TEX36: variants seen among roughly 807,000 people sequenced by gnomAD.
TEX36 encodes the protein testis expressed 36.
A neutral mutation model predicts 13.6 loss-of-function variants in TEX36; 12 were observed. The observed-to-expected ratio is 0.88, with a 90% CI of 0.56 to 1.43. TEX36 has a LOEUF of 1.43. TEX36 is among the 40% of genes most tolerant of loss of function. TEX36 has a pLI of 0.00. For synonymous variants in TEX36, 93 were observed against 83.0 expected, an observed-to-expected ratio of 1.12 and a Z score of -0.65; for missense variants, 224 against 228.3, an observed-to-expected ratio of 0.98 and a Z score of 0.12.
At chr10:125,595,753 G>A (rs1846075089) in intron 3 of TEX36, among the ~76,000 whole-genome samples, 1 of 152,126 alleles carries the variant, frequency 6.6e-6, no homozygotes, top group Admixed American at 6.5e-5. Flanking sequence ...AGAGCATCCT[G>A]CCCTTACCAC....
chr10:125,650,715 G>A (rs1846838446), downstream of TEX36, among the ~76,000 whole-genome samples: 3 of 152,094 alleles, frequency 2.0e-5, no homozygotes, highest in Non-Finnish European at 4.4e-5. Flanking sequence ...TCCAGGAACT[G>A]GCTTTTTGAA....
At chr10:125,594,178 T>C (rs549724238) in intron 3 of TEX36, among the ~76,000 whole-genome samples, 219 of 152,332 alleles carry the variant, frequency 1.4e-3, no homozygotes, top group South Asian at 2.9e-3. Flanking sequence ...AGAACTTAAA[T>C]TTTAAACTTC....
chr10:125,676,500 T>C (rs1393843823), intron 1 of TEX36, among the ~76,000 whole-genome samples: 2 of 152,210 alleles, frequency 1.3e-5, no homozygotes, highest in Non-Finnish European at 2.9e-5. Flanking sequence ...TATCTATATG[T>C]CTTTACTGGC....
At chr10:125,579,264 A>G (rs1451408867) in intron 3 of TEX36, among the ~76,000 whole-genome samples, 1 of 152,216 alleles carries the variant, frequency 6.6e-6, no homozygotes, top group East Asian at 1.9e-4. Flanking sequence ...GCCTCAGGAA[A>G]CTTACAATCA....
chr10:125,587,183 C>A (rs1845964370), intron 3 of TEX36, among the ~76,000 whole-genome samples: 1 of 152,092 alleles, frequency 6.6e-6, no homozygotes, highest in Non-Finnish European at 1.5e-5. Context: ...TCAGGTATTT[C>A]TTTACAGCAG....
chr10:125,591,822 T>C (rs2133533346), intron 3 of TEX36, among the ~76,000 whole-genome samples: 1 of 152,294 alleles, frequency 6.6e-6, no homozygotes, highest in Admixed American at 6.5e-5. Flanking sequence ...CTTTTCTTTG[T>C]TGAAACTGAC....
chr10:125,594,650 C>T (rs1285209357), intron 3 of TEX36, among the ~76,000 whole-genome samples: 1 of 152,158 alleles, frequency 6.6e-6, no homozygotes, highest in Non-Finnish European at 1.5e-5. Flanking sequence ...ATTGTGCTGA[C>T]ATTTTTGAAA....
rs9422915 is a variant in TEX36, at chr10:125,661,917, C to G, written c.112G>C (p.Glu38Gln). The G allele has an allele frequency of 2.3e-3, 3,552 of 1,552,298 alleles. 51 individuals carry two copies. The African/African-American group carries it at 0.038, about 17-fold the overall frequency. The change falls in exon 2 of 4, where the codon GAG (glutamate) becomes CAG (glutamine). Residue 38 changes from glutamate to glutamine, a missense_variant. Glu to Gln is a conservative substitution (Grantham distance 29, BLOSUM62 2). Transcript: ENST00000368821. ...CGAGGCAAGTGTGGACTCTGGGGCTCTTTTGACGTAGCACTGGTGATGGAT... is the reference window on the plus strand; with the variant it reads ...CGAGGCAAGTGTGGACTCTGGGGCTGTTTTGACGTAGCACTGGTGATGGAT... ...PESITSATSK[E>Q]PQSPHLPRQA...
chr10:125,600,265 G>A (rs1846129739), intron 3 of TEX36, among the ~76,000 whole-genome samples: 1 of 152,216 alleles, frequency 6.6e-6, no homozygotes, highest in African/African-American at 2.4e-5. Context: ...ATCACAAGTT[G>A]ATGTAGAGGG....
chr10:125,584,613 T>C (rs937187675), intron 3 of TEX36, among the ~76,000 whole-genome samples: 13 of 152,110 alleles, frequency 8.5e-5, no homozygotes, highest in Non-Finnish European at 1.5e-4. Context: ...ACATCATAAG[T>C]GTGGGGCCCT....
downstream of TEX36, among the ~76,000 whole-genome samples, chr10:125,654,743 TC>T (rs1846913593): frequency 6.6e-6 from 1 of 152,160 alleles, no homozygotes; most frequent in Non-Finnish European, 1.5e-5. Context: ...GTACCTTTTT[TC>T]CCCTTAAATA....
chr10:125,675,970 G>A (rs1467929211), intron 1 of TEX36, among the ~76,000 whole-genome samples: 1 of 152,178 alleles, frequency 6.6e-6, no homozygotes, highest in Admixed American at 6.5e-5. Context: ...TTCTACTGTG[G>A]TCTGAGAAGA....
At chr10:125,615,526 A>G (rs916918765) in intron 3 of TEX36, among the ~76,000 whole-genome samples, 7 of 152,080 alleles carry the variant, frequency 4.6e-5, no homozygotes, top group Non-Finnish European at 8.8e-5. Context: ...CCTTTTCTGC[A>G]TCTATTGAGA....
chr10:125,680,857 G>A (rs1847382479), intron 1 of TEX36, among the ~76,000 whole-genome samples: 1 of 152,160 alleles, frequency 6.6e-6, no homozygotes, highest in Non-Finnish European at 1.5e-5. Flanking sequence ...CTACGTTTCT[G>A]GGGTCTTGAT....
At chr10:125,622,052 T>A (rs943140254) in intron 3 of TEX36, among the ~76,000 whole-genome samples, 1 of 152,152 alleles carries the variant, frequency 6.6e-6, no homozygotes, top group Non-Finnish European at 1.5e-5. Flanking sequence ...CTACCACCCA[T>A]GTAGCCATTC....
chr10:125,594,599 T>C (rs1487949519), intron 3 of TEX36, among the ~76,000 whole-genome samples: 3 of 152,252 alleles, frequency 2.0e-5, no homozygotes, highest in Admixed American at 2.0e-4. Context: ...TTTTTAGAAA[T>C]GTAAACACAC....
Position 125,634,672 on chromosome 10 carries a change from G to C in TEX36, c.265-13027C>G, listed in dbSNP as rs898669251. Among the ~76,000 whole-genome samples the C allele has an allele frequency of 1.3e-4, 20 of 152,152 alleles. 1 individual carries two copies. The highest frequency in any genetic ancestry group is 1.2e-3 in the Admixed American group (18 of 15,244). On this transcript the variant is annotated intron_variant, in intron 3 of 3. Coordinates refer to the TEX36 transcript ENST00000526819. ...TTTGTAGAAGAAAATGATAGTTGCT[G>C]CCTGCTAGAATGGATAGCGCCCATT...
chr10:125,655,902 A>T lies in TEX36; in HGVS notation c.559T>A (p.Ter187LysextTer25). 6.6e-7 allele frequency: 1 copy of T among 1,507,788 alleles called. No homozygotes were observed. The highest frequency in any genetic ancestry group is 8.9e-7 in the Non-Finnish European group (1 of 1,125,346). 93.4% of individuals were successfully genotyped at this position (1,507,788 alleles called of 1,614,324 possible). The change falls in exon 4 of 4, where the codon TAA (stop) becomes AAA (lysine). Residue 187 changes from the stop codon to lysine, a stop_lost. Transcript: ENST00000368821. ...DKKVVSSLES[*>K] ...TCATCAAAAATCTTCTGGGAGGATTAGGACTCCAGTGAAGAAACAACCTTT... is the reference window on the plus strand; with the variant it reads ...TCATCAAAAATCTTCTGGGAGGATTTGGACTCCAGTGAAGAAACAACCTTT...
intron 3 of TEX36, among the ~76,000 whole-genome samples, chr10:125,627,635 G>T (rs1846503810): frequency 6.6e-6 from 1 of 152,098 alleles, no homozygotes. Context: ...TCAGAACTAT[G>T]GCATAATGTA....
Sources: gnomAD v4.1 joint callset for allele counts (sites outside exome capture counted in the v4.1 genomes callset) on GRCh38, gnomAD v4.1.1 for gene constraint, MANE v1.5 for transcripts, NCBI Gene and HGNC (gene_info 2026-07-23, HGNC 2026-07-21) for gene names.